Variants in FAF1 observed in about 807,000 individuals in gnomAD.
The protein encoded by FAF1 is Fas associated factor 1, also known as FAS-associated factor 1.
FAF1 carries 25 observed loss-of-function variants against 92.5 expected under a neutral mutation model. The observed-to-expected ratio is 0.27, with a 90% CI of 0.20 to 0.38. The LOEUF is 0.38. Ranked by LOEUF, FAF1 falls within the 10% of genes least tolerant of loss-of-function variation. The probability of loss-of-function intolerance (pLI) is 1.00; values close to 1 mark genes in which losing one functional copy is unlikely to be tolerated. For missense variants in FAF1, 636 were observed against 793.3 expected, an observed-to-expected ratio of 0.80 and a Z score of 2.38; for synonymous variants, 234 against 273.2, an observed-to-expected ratio of 0.86 and a Z score of 1.42.
At chr1:50,498,668 G>A (rs921895066) in intron 15 of FAF1, among the ~76,000 whole-genome samples, 3 of 152,100 alleles carry the variant, frequency 2.0e-5, no homozygotes, top group African/African-American at 4.8e-5. Flanking sequence ...TGACCAATAT[G>A]GTGAAACCCC....
At chr1:50,497,458 G>A (rs530220494) in intron 15 of FAF1, among the ~76,000 whole-genome samples, 2 of 151,830 alleles carry the variant, frequency 1.3e-5, no homozygotes, top group Admixed American at 6.6e-5. Context: ...TAAAGGAATG[G>A]CTTTGTGTCT....
At chr1:50,644,659 T>C (rs1654500141) in intron 8 of FAF1, among the ~76,000 whole-genome samples, 1 of 152,238 alleles carries the variant, frequency 6.6e-6, no homozygotes, top group South Asian at 2.1e-4. Flanking sequence ...CCAGGCAGAA[T>C]TTAAGACTCT....
intron 15 of FAF1, among the ~76,000 whole-genome samples, chr1:50,495,674 A>C (rs1446981981): frequency 6.6e-6 from 1 of 152,210 alleles, no homozygotes; most frequent in Non-Finnish European, 1.5e-5. Context: ...TAGTTTTTAA[A>C]GGAACCTCTA....
chr1:50,556,829 C>T (rs1649606659), intron 13 of FAF1, among the ~76,000 whole-genome samples: 1 of 149,836 alleles, frequency 6.7e-6, no homozygotes, highest in South Asian at 2.1e-4. Context: ...AGAGCAAGAC[C>T]CCTGTCTCAA....
At chr1:50,445,921 G>C (rs1646222305) in intron 18 of FAF1, among the ~76,000 whole-genome samples, 1 of 152,192 alleles carries the variant, frequency 6.6e-6, no homozygotes, top group South Asian at 2.1e-4. Flanking sequence ...TTGCCAAACA[G>C]AGCTATTCCT....
rs1359487034 is a variant in FAF1 at position 50,438,831 on chromosome 1, T to C, written c.*2609A>G. ...AAGGTAGATTCCATAAAAGATGCTC[T>C]CATTCATCTTTGATTCTGGATGCTT... On this transcript the variant is annotated 3_prime_UTR_variant, in exon 19 of 19. Coordinates refer to ENST00000396153, the MANE Select transcript of FAF1 (RefSeq NM_007051.3). 6.6e-6 allele frequency: 1 copy of C among 152,232 alleles called. No homozygotes were observed. Among genetic ancestry groups the C allele is most frequent in the Non-Finnish European group, 1.5e-5 (1 of 68,044 alleles). 9.4% of individuals were successfully genotyped at this position (152,232 alleles called of 1,614,324 possible).
intron 1 of FAF1, among the ~76,000 whole-genome samples, chr1:50,887,771 G>A (rs1436367128): frequency 6.6e-6 from 1 of 152,124 alleles, no homozygotes; most frequent in Non-Finnish European, 1.5e-5. Context: ...TGCTGTTTTG[G>A]TTACTGTAGC....
chr1:50,620,864 G>A (rs1250050670), intron 8 of FAF1, among the ~76,000 whole-genome samples: 1 of 152,248 alleles, frequency 6.6e-6, no homozygotes, highest in African/African-American at 2.4e-5. Context: ...GGAGGAGATG[G>A]CTCCCTCACC....
At chr1:50,553,245 T>C (rs972287337) in intron 13 of FAF1, among the ~76,000 whole-genome samples, 3 of 152,150 alleles carry the variant, frequency 2.0e-5, no homozygotes, top group Non-Finnish European at 2.9e-5. Flanking sequence ...CAGAGCCAGA[T>C]GTTTGAAATC....
chr1:50,511,556 G>GC (rs1647134390), intron 15 of FAF1, among the ~76,000 whole-genome samples: 1 of 152,046 alleles, frequency 6.6e-6, no homozygotes, highest in South Asian at 2.1e-4. Flanking sequence ...CTTCATCCAT[G>GC]CCCCTGAAAA....
chr1:50,454,156 G>C (rs949803594), intron 18 of FAF1, among the ~76,000 whole-genome samples: 1 of 152,100 alleles, frequency 6.6e-6, no homozygotes, highest in African/African-American at 2.4e-5. Context: ...CTAAATTTTC[G>C]AACAGGGGGT....
chr1:50,718,178 G>A (rs1251712703), intron 6 of FAF1, among the ~76,000 whole-genome samples: 2 of 151,872 alleles, frequency 1.3e-5, no homozygotes, highest in Non-Finnish European at 2.9e-5. Flanking sequence ...CGAGTAGCTG[G>A]GATTACCACG....
At chr1:50,917,407 C>A (rs1385804447) in intron 1 of FAF1, among the ~76,000 whole-genome samples, 1 of 152,082 alleles carries the variant, frequency 6.6e-6, no homozygotes, top group Non-Finnish European at 1.5e-5. Context: ...TTTGCATCAA[C>A]AGAACCAACA....
chr1:50,848,682 A>T (rs1644323050), intron 2 of FAF1, among the ~76,000 whole-genome samples: 1 of 152,198 alleles, frequency 6.6e-6, no homozygotes, highest in South Asian at 2.1e-4. Flanking sequence ...ATAAAAAATC[A>T]CACCTGTGAT....
At position 50,739,059 on chromosome 1, in the gene FAF1, T is replaced by C. The variant is rs927322884; in HGVS notation, c.460-105A>G. ...ATTGTTAATTTTGTAGTTTTTTTTA[T>C]CTTTTGATAATTTCCTAAATAGGGT... On this transcript the variant is annotated intron_variant, in intron 5 of 18. Coordinates refer to ENST00000396153, the MANE Select transcript of FAF1 (RefSeq NM_007051.3). The C allele has an allele frequency of 1.7e-4, 125 of 727,164 alleles. 4 individuals are homozygous for C. The South Asian group carries it at 2.3e-3, about 13-fold the overall frequency. 45.0% of individuals were successfully genotyped at this position (727,164 alleles called of 1,614,324 possible).
chr1:50,449,488 T>TC (rs1039457583), intron 18 of FAF1, among the ~76,000 whole-genome samples: 3 of 145,250 alleles, frequency 2.1e-5, no homozygotes, highest in Admixed American at 6.7e-5. Flanking sequence ...ACTTTTTCTT[T>TC]CTTTTTTTTT....
chr1:50,944,791 C>A (rs1332099229), intron 1 of FAF1, among the ~76,000 whole-genome samples: 1 of 152,202 alleles, frequency 6.6e-6, no homozygotes, highest in Non-Finnish European at 1.5e-5. Context: ...TAGATACCAA[C>A]CAGGCTGGCC....
chr1:50,698,863 T>G (rs1057184826), intron 7 of FAF1, among the ~76,000 whole-genome samples: 9 of 152,056 alleles, frequency 5.9e-5, no homozygotes, highest in Non-Finnish European at 1.0e-4. Flanking sequence ...AAAAGATTTT[T>G]GGGGTTGCTT....
At chr1:50,622,469 G>T (rs921706822) in intron 8 of FAF1, among the ~76,000 whole-genome samples, 1 of 152,038 alleles carries the variant, frequency 6.6e-6, no homozygotes, top group Non-Finnish European at 1.5e-5. Flanking sequence ...TGATGATTTG[G>T]TCTCTCTCGG....
Sources: gnomAD v4.1 joint callset for allele counts (sites outside exome capture counted in the v4.1 genomes callset) on GRCh38, gnomAD v4.1.1 for gene constraint, MANE v1.5 for transcripts, NCBI Gene and HGNC (gene_info 2026-07-23, HGNC 2026-07-21) for gene names.